The following STIM2 variants were observed in gnomAD, a reference collection of about 807,000 sequenced individuals.
STIM2 encodes the protein stromal interaction molecule 2.
STIM2 carries 31 observed loss-of-function variants against 85.8 expected under a neutral mutation model. The observed-to-expected ratio is 0.36, with a 90% CI of 0.27 to 0.49. STIM2 has a LOEUF of 0.49. Among genes scored for constraint, STIM2 ranks in the 20% least tolerant of loss-of-function variants. STIM2 has a pLI of 0.98. For missense variants in STIM2, 841 were observed against 927.6 expected (o/e 0.91, Z 1.21); for synonymous variants, 356 against 331.1 (o/e 1.08, Z -0.82).
At chr4:26,974,771 T>G (rs1158761856) in intron 3 of STIM2, among the ~76,000 whole-genome samples, 1 of 152,188 alleles carries the variant, frequency 6.6e-6, no homozygotes, top group Non-Finnish European at 1.5e-5. Context: ...TTCCTGAATT[T>G]GAATGTTGGC....
intron 1 of STIM2, among the ~76,000 whole-genome samples, chr4:26,896,430 G>A (rs1723705608): frequency 6.6e-6 from 1 of 152,002 alleles, no homozygotes; most frequent in Non-Finnish European, 1.5e-5. Context: ...TATCAACAGG[G>A]GACAGGAATC....
intron 2 of STIM2, among the ~76,000 whole-genome samples, chr4:26,947,838 G>T (rs540947746): frequency 6.6e-6 from 1 of 152,194 alleles, no homozygotes; most frequent in Admixed American, 6.5e-5. Flanking sequence ...TGTTCCAGAG[G>T]CAACTTGACT....
At chr4:26,979,299 C>T (rs1047195930) in intron 3 of STIM2, among the ~76,000 whole-genome samples, 2 of 152,160 alleles carry the variant, frequency 1.3e-5, no homozygotes, top group Admixed American at 6.5e-5. Flanking sequence ...AAAAAGTAGG[C>T]GCTGTCTGTG....
chr4:26,946,887 C>T (rs1305102689), intron 2 of STIM2, among the ~76,000 whole-genome samples: 1 of 152,088 alleles, frequency 6.6e-6, no homozygotes, highest in Non-Finnish European at 1.5e-5. Context: ...GATTCCAGAC[C>T]CTGTATACTA....
At chr4:26,895,034 A>G (rs947302637) in intron 1 of STIM2, among the ~76,000 whole-genome samples, 9 of 152,252 alleles carry the variant, frequency 5.9e-5, no homozygotes, top group African/African-American at 1.9e-4. Context: ...CAACATGGTG[A>G]AACTTCGTCT....
At chr4:26,877,457 C>T (rs1478476551) in intron 1 of STIM2, among the ~76,000 whole-genome samples, 2 of 150,780 alleles carry the variant, frequency 1.3e-5, no homozygotes, top group Non-Finnish European at 1.5e-5. Flanking sequence ...TGATTAGTTC[C>T]AACATCTGGG....
chr4:26,967,545 GTCC>G (rs1054566325), intron 3 of STIM2, among the ~76,000 whole-genome samples: 1 of 152,182 alleles, frequency 6.6e-6, no homozygotes, highest in African/African-American at 2.4e-5. Context: ...TCTGCCAAGA[GTCC>G]TCCTGAATAA....
intron 8 of STIM2, 57 bp downstream of exon 8, chr4:27,007,757 G>C (rs554109600): frequency 6.9e-7 from 1 of 1,456,904 alleles, no homozygotes; most frequent in African/African-American, 1.4e-5. Flanking sequence ...CATTCTTAGA[G>C]GGATTACTCA....
chr4:26,937,345 G>T lies in STIM2; in HGVS notation c.282+17711G>T, dbSNP rs1040156211. Reference sequence around the variant, plus strand: ...TGAATTAGGACAGGACAGTGTGTCTGCACTTCCCTTTTTCAGTTCCAGCCT... The same window carrying T: ...TGAATTAGGACAGGACAGTGTGTCTTCACTTCCCTTTTTCAGTTCCAGCCT... On this transcript the variant is annotated intron_variant, in intron 2 of 11. Coordinates refer to ENST00000467087, the MANE Select transcript of STIM2 (RefSeq NM_020860.4). Among the ~76,000 whole-genome samples, 5 of 152,238 alleles carry T rather than the reference G, an allele frequency of 3.3e-5. No homozygotes were observed. The East Asian group carries it at 9.7e-4, about 29-fold the overall frequency.
chr4:27,021,293 G>C (rs1728901801), intron 11 of STIM2: 3 of 470,144 alleles, frequency 6.4e-6, no homozygotes, highest in African/African-American at 5.9e-5. Context: ...TATCATTTTA[G>C]GTTTTGGTAA....
intron 1 of STIM2, among the ~76,000 whole-genome samples, chr4:26,895,932 ATTTAAGAG>A (rs1723682610): frequency 6.6e-6 from 1 of 152,210 alleles, no homozygotes; most frequent in Non-Finnish European, 1.5e-5. Context: ...TATGCTTGTT[ATTTAAGAG>A]TTTCTGTTGG....
At chr4:26,891,356 T>A (rs1723470481) in intron 1 of STIM2, among the ~76,000 whole-genome samples, 1 of 152,138 alleles carries the variant, frequency 6.6e-6, no homozygotes, top group South Asian at 2.1e-4. Flanking sequence ...ACATTTTGCT[T>A]GAGTTTCTAG....
At chr4:26,965,415 T>TA (rs1726678967) in intron 3 of STIM2, among the ~76,000 whole-genome samples, 1 of 152,158 alleles carries the variant, frequency 6.6e-6, no homozygotes, top group Admixed American at 6.6e-5. Flanking sequence ...AATCATTAGT[T>TA]ATAATTGATT....
chr4:27,021,713 C>T (rs1049836903), intron 11 of STIM2: 2 of 440,040 alleles, frequency 4.5e-6, no homozygotes, highest in Admixed American at 2.4e-5. Flanking sequence ...GCAGGAAGAC[C>T]AATTAGGAAG....
chr4:26,970,587 T>G (rs182867383), intron 3 of STIM2, among the ~76,000 whole-genome samples: 18 of 152,328 alleles, frequency 1.2e-4, no homozygotes, highest in South Asian at 6.2e-4. Flanking sequence ...TCCTTTTTTA[T>G]GGCTACATAG....
At chr4:26,954,782 C>T (rs1373116986) in intron 2 of STIM2, among the ~76,000 whole-genome samples, 2 of 147,796 alleles carry the variant, frequency 1.4e-5, no homozygotes, top group Non-Finnish European at 3.0e-5. Context: ...TCTAATTATA[C>T]TGGTTTCTAG....
At position 26,950,332 on chromosome 4, in the gene STIM2, A is replaced by G. The variant is rs570326288; in HGVS notation, c.283-7280A>G. Among the ~76,000 whole-genome samples, 10 of 151,714 alleles carry G rather than the reference A, an allele frequency of 6.6e-5. 1 individual carries two copies. In the South Asian group the frequency reaches 1.0e-3, roughly 16 times the overall value. ...TCTTATGTACAAAAACTGCATACCT[A>G]TGGTACAATCTACACACTCCTGTTT... On this transcript the variant is annotated intron_variant, in intron 2 of 11. Transcript: ENST00000467087.
intron 1 of STIM2, among the ~76,000 whole-genome samples, chr4:26,893,224 A>G (rs1481505104): frequency 6.6e-6 from 1 of 152,216 alleles, no homozygotes; most frequent in African/African-American, 2.4e-5. Context: ...GTCATGAAAT[A>G]GAACTTCATC....
chr4:27,000,018 A>G (rs868565524), intron 5 of STIM2, among the ~76,000 whole-genome samples: 2 of 151,946 alleles, frequency 1.3e-5, no homozygotes, highest in Non-Finnish European at 2.9e-5. Context: ...TTTGGGAGAA[A>G]GTGTTTGAAA....
Sources: gnomAD v4.1 joint callset for allele counts (sites outside exome capture counted in the v4.1 genomes callset) on GRCh38, gnomAD v4.1.1 for gene constraint, MANE v1.5 for transcripts, NCBI Gene and HGNC (gene_info 2026-07-23, HGNC 2026-07-21) for gene names.